PAM: variants seen among roughly 807,000 people sequenced by gnomAD.
The protein encoded by PAM is peptidylglycine alpha-amidating monooxygenase.
A neutral mutation model predicts 122.1 loss-of-function variants in PAM; 72 were observed. The ratio of observed to expected loss-of-function variants is 0.59; its 90% confidence interval spans 0.49 to 0.72. PAM has a LOEUF of 0.72. Among genes scored for constraint, PAM ranks in the 30% least tolerant of loss-of-function variants. The probability of loss-of-function intolerance (pLI) is 0.00; values close to 1 mark genes in which losing one functional copy is unlikely to be tolerated. For missense variants in PAM, 1,106 were observed against 1,183.7 expected, an observed-to-expected ratio of 0.93 and a Z score of 0.96; for synonymous variants, 389 against 404.4, an observed-to-expected ratio of 0.96 and a Z score of 0.46.
rs1037467871 is a variant in PAM at position 102,852,726 on chromosome 5, A to G, written c.-373-13097A>G. Reference sequence around the variant, plus strand: ...TGCTGACTTTTAAAACTCCACTTCAAAGGAACTACCTCCCAGCAAGATAAT... The same window carrying G: ...TGCTGACTTTTAAAACTCCACTTCAGAGGAACTACCTCCCAGCAAGATAAT... On this transcript the variant is annotated intron_variant, in intron 1 of 25. Coordinates refer to ENST00000438793, the MANE Select transcript of PAM (RefSeq NM_001177306.2). 2.0e-5 allele frequency among the ~76,000 whole-genome samples: 3 copies of G among 152,210 alleles called. No individual in the cohort carries two copies. The South Asian group carries it at 6.2e-4, about 31-fold the overall frequency.
chr5:103,003,277 T>C (rs1777956604), intron 17 of PAM, 128 bp downstream of exon 17: 6 of 535,436 alleles, frequency 1.1e-5, no homozygotes, highest in South Asian at 2.8e-5. Context: ...AACTGGGCCA[T>C]CCCATCTTTC....
intron 3 of PAM, among the ~76,000 whole-genome samples, chr5:102,897,236 A>T (rs1288209984): frequency 6.6e-6 from 1 of 151,526 alleles, no homozygotes; most frequent in Non-Finnish European, 1.5e-5. Context: ...GTAGGACTTT[A>T]GGGTTCCTTA....
chr5:102,780,791 CTTTCTTTCTTTCTT>C (rs1758640291), intron 1 of PAM, among the ~76,000 whole-genome samples: 2 of 141,524 alleles, frequency 1.4e-5, no homozygotes, highest in Non-Finnish European at 3.1e-5. Flanking sequence ...TTCTTTCTTT[CTTTCTTTCTTTCTT>C]TCTTTCTTTC....
At chr5:102,966,503 G>A (rs536925284) in intron 14 of PAM, among the ~76,000 whole-genome samples, 2 of 152,188 alleles carry the variant, frequency 1.3e-5, no homozygotes, top group South Asian at 4.1e-4. Context: ...CACTTCATTT[G>A]TGATCCTTGA....
intron 5 of PAM, among the ~76,000 whole-genome samples, chr5:102,918,301 G>T (rs1746161045): frequency 6.6e-6 from 1 of 152,032 alleles, no homozygotes; most frequent in Non-Finnish European, 1.5e-5. Flanking sequence ...CATATCAATG[G>T]CATGATTTGT....
chr5:103,019,645 T>C, intron 22 of PAM, 145 bp from the exon 23 acceptor site: 1 of 623,556 alleles, frequency 1.6e-6, no homozygotes, highest in East Asian at 2.8e-5. Context: ...ATTAGTGGTT[T>C]GTATTGAACT....
At chr5:102,947,753 A>G (rs1757497733) in intron 8 of PAM, among the ~76,000 whole-genome samples, 1 of 152,200 alleles carries the variant, frequency 6.6e-6, no homozygotes, top group South Asian at 2.1e-4. Context: ...GGATTAGACC[A>G]GGGCATGAAT....
chr5:102,921,799 A>G (rs1318262230), intron 5 of PAM, among the ~76,000 whole-genome samples: 1 of 152,170 alleles, frequency 6.6e-6, no homozygotes, highest in Non-Finnish European at 1.5e-5. Context: ...ACATAATATC[A>G]TTCTCTGCCC....
At chr5:102,831,324 A>G (rs1775375394) in intron 1 of PAM, among the ~76,000 whole-genome samples, 1 of 152,234 alleles carries the variant, frequency 6.6e-6, no homozygotes, top group Non-Finnish European at 1.5e-5. Context: ...TGTTAAAAAT[A>G]TCATCCTTAT....
At chr5:102,807,569 T>C (rs1423503378) in intron 1 of PAM, among the ~76,000 whole-genome samples, 1 of 152,172 alleles carries the variant, frequency 6.6e-6, no homozygotes, top group Non-Finnish European at 1.5e-5. Context: ...GGATAAGTGA[T>C]GTATTGGCAA....
intron 1 of PAM, among the ~76,000 whole-genome samples, chr5:102,773,935 T>C (rs1312103647): frequency 6.6e-6 from 1 of 152,116 alleles, no homozygotes; most frequent in African/African-American, 2.4e-5. Context: ...TTCTTATCAT[T>C]TAGCCCCCAC....
At chr5:102,825,695 A>C (rs1481522564) in intron 1 of PAM, among the ~76,000 whole-genome samples, 1 of 152,146 alleles carries the variant, frequency 6.6e-6, no homozygotes, top group African/African-American at 2.4e-5. Context: ...TACAAAAATG[A>C]AAAACAGCCA....
At chr5:102,972,176 G>A (rs6895697) in intron 14 of PAM, among the ~76,000 whole-genome samples, 8,834 of 152,192 alleles carry the variant, frequency 0.058, 855 homozygotes, top group African/African-American at 0.2. Flanking sequence ...TAAACACAGA[G>A]GTTGCAGTGA....
intron 14 of PAM, among the ~76,000 whole-genome samples, chr5:102,962,015 A>G: frequency 6.6e-6 from 1 of 151,896 alleles, no homozygotes; most frequent in Non-Finnish European, 1.5e-5. Flanking sequence ...TAGGAATAGA[A>G]AGGATTTTTC....
In PAM at chr5:103,006,976, C is replaced by T. The variant is rs755661759; in HGVS notation, c.1979C>T (p.Ser660Leu). ...TGCAACAGCAGGATTGTGCAGTTTT[C>T]ACCAAGTGGAAAGTTCATCACACAG... ...GYCNSRIVQFSPSGKFITQWG... is the reference protein window; with the variant it reads ...GYCNSRIVQFLPSGKFITQWG... Residue 660 changes from serine (S) to leucine (L), a missense_variant, in exon 19 of 26, where the codon TCA becomes TTA. Transcript: ENST00000438793. 5 of 1,613,836 alleles carry T rather than the reference C, an allele frequency of 3.1e-6. No individual in the cohort carries two copies. The highest frequency in any genetic ancestry group is 4.2e-6 in the Non-Finnish European group (5 of 1,179,848).
At chr5:103,025,416 A>ATTT in intron 24 of PAM, 82 bp downstream of exon 24, 1 of 1,157,478 alleles carries the variant, frequency 8.6e-7, no homozygotes, top group African/African-American at 1.5e-5. Context: ...TTTGATTGGG[A>ATTT]TTTTTTTCAC....
chr5:102,940,708 GT>G (rs1320576025), intron 7 of PAM, among the ~76,000 whole-genome samples: 2 of 151,966 alleles, frequency 1.3e-5, no homozygotes, highest in Non-Finnish European at 2.9e-5. Context: ...GTTTCTTTTG[GT>G]TTTAGCCAAA....
intron 14 of PAM, among the ~76,000 whole-genome samples, chr5:102,969,320 C>G (rs1266983819): frequency 6.6e-6 from 1 of 151,430 alleles, no homozygotes; most frequent in East Asian, 1.9e-4. Flanking sequence ...AAATATATAG[C>G]TGAACAGAGC....
intron 15 of PAM, among the ~76,000 whole-genome samples, chr5:102,977,070 G>A (rs1767914827): frequency 2.6e-5 from 4 of 152,234 alleles, no homozygotes; most frequent in African/African-American, 9.6e-5. Context: ...TCATCAGTTG[G>A]TCTATATGTT....
Sources: allele counts gnomAD v4.1 joint callset (sites outside exome capture counted in the v4.1 genomes callset), GRCh38; gene constraint gnomAD v4.1.1; transcripts MANE v1.5; gene names NCBI Gene and HGNC (gene_info 2026-07-23, HGNC 2026-07-21).